TRAK2: variants seen among roughly 807,000 people sequenced by gnomAD.
The protein encoded by TRAK2 is trafficking kinesin protein 2.
In TRAK2, 81 loss-of-function variants were observed where a neutral mutation model predicts 104.6. The ratio of observed to expected loss-of-function variants is 0.77; its 90% CI spans 0.65 to 0.93. TRAK2 has a LOEUF of 0.93. Among genes scored for constraint, TRAK2 ranks in the 40% least tolerant of loss-of-function variants. The pLI is 0.00. For synonymous variants in TRAK2, 406 were observed against 394.4 expected (o/e 1.03, Z -0.35); for missense variants, 1,002 against 1,089.0 (o/e 0.92, Z 1.12).
At chr2:201,404,653 C>G (rs553963519) in intron 3 of TRAK2, among the ~76,000 whole-genome samples, 2 of 152,194 alleles carry the variant, frequency 1.3e-5, no homozygotes, top group Admixed American at 6.5e-5. Context: ...TGAGATGGTG[C>G]TTGATAGTTC....
intron 1 of TRAK2, among the ~76,000 whole-genome samples, chr2:201,425,714 C>CT (rs200294169): frequency 0.038 from 3,908 of 102,114 alleles, 77 homozygotes; most frequent in Non-Finnish European, 0.063. Context: ...GAAAGCATTG[C>CT]TTTTTTTTTT....
chr2:201,418,510 A>C (rs1031505219), intron 2 of TRAK2, among the ~76,000 whole-genome samples: 1 of 152,226 alleles, frequency 6.6e-6, no homozygotes, highest in African/African-American at 2.4e-5. Flanking sequence ...AATTTATATT[A>C]TCTGATTTCA....
intron 3 of TRAK2, among the ~76,000 whole-genome samples, chr2:201,406,780 C>T (rs185294578): frequency 5.9e-5 from 9 of 152,158 alleles, no homozygotes; most frequent in Admixed American, 5.9e-4. Context: ...GGATCAAATG[C>T]AAAAAGGTCT....
At chr2:201,449,802 G>A (rs1037162864) in intron 1 of TRAK2, among the ~76,000 whole-genome samples, 2 of 152,004 alleles carry the variant, frequency 1.3e-5, no homozygotes, top group East Asian at 1.9e-4. Context: ...GTGCCACCAC[G>A]CCCGGCTAAT....
intron 2 of TRAK2, among the ~76,000 whole-genome samples, chr2:201,418,597 G>C (rs1272531054): frequency 1.3e-5 from 2 of 152,098 alleles, no homozygotes; most frequent in African/African-American, 4.8e-5. Context: ...AAAGGAACAG[G>C]ATAGAGTTCA....
chr2:201,416,226 TA>T (rs11398184), intron 2 of TRAK2, among the ~76,000 whole-genome samples: 37 of 90,858 alleles, frequency 4.1e-4, no homozygotes, highest in Admixed American at 8.0e-4. Context: ...GACTCTACAT[TA>T]AAAAAAAAAA....
intron 1 of TRAK2, among the ~76,000 whole-genome samples, chr2:201,448,406 G>T (rs1045108438): frequency 6.6e-6 from 1 of 152,106 alleles, no homozygotes; most frequent in Non-Finnish European, 1.5e-5. Context: ...AGTTAATATA[G>T]GTAAAACATT....
Position 201,380,344 on chromosome 2 carries a change from T to G in TRAK2, c.*199A>C. 1 of 611,616 alleles carries G rather than the reference T, an allele frequency of 1.6e-6. No homozygotes were observed. The highest frequency in any genetic ancestry group is 2.8e-5 in the East Asian group (1 of 35,866). The allele number at this position is 611,616 out of a possible 1,614,324, so 37.9% of individuals were successfully genotyped here. A position where few individuals can be genotyped will look rare whatever the true frequency, so the allele number is the denominator to read the frequency against. ...TCTCCCTCTGAACACTCATGGCCCA[T>G]TCATTTATACTTTCAATTTGCCCGA... is the stretch of plus-strand genomic sequence containing the variant. On this transcript the variant is annotated 3_prime_UTR_variant, in exon 16 of 16. Coordinates refer to ENST00000332624, the MANE Select transcript of TRAK2 (RefSeq NM_015049.3).
chr2:201,448,534 G>C lies in TRAK2; in HGVS notation c.-200+2816C>G, dbSNP rs1428167677. On this transcript the variant is annotated intron_variant, in intron 1 of 15. Coordinates refer to ENST00000332624, the MANE Select transcript of TRAK2 (RefSeq NM_015049.3). ...CTTTTAATTACTAAGTCATTTAAAT[G>C]TGACTATTACCTTTTTGCCTCCTAT... Among the ~76,000 whole-genome samples the C allele has an allele frequency of 6.6e-5, 10 of 152,258 alleles. No individual in the cohort carries two copies. The East Asian group carries it at 1.9e-3, about 29-fold the overall frequency.
At chr2:201,424,297 T>C (rs759395852) in intron 1 of TRAK2, among the ~76,000 whole-genome samples, 1 of 152,188 alleles carries the variant, frequency 6.6e-6, no homozygotes, top group Non-Finnish European at 1.5e-5. Flanking sequence ...GCTATGTAAG[T>C]CTTTATGTCA....
chr2:201,397,536 T>C lies in TRAK2; in HGVS notation c.735A>G (p.Glu245=). The C allele has an allele frequency of 6.2e-7, 1 of 1,613,058 alleles. No individual in the cohort carries two copies. The highest frequency in any genetic ancestry group is 2.2e-5 in the East Asian group (1 of 44,844). ...TAACACAGTCGCTGACAAGCTGTTG[T>C]TCCTTTTCTTCATAGGTAACAGTTT... is the stretch of plus-strand genomic sequence containing the variant. ...KTETVTYEEK[E]QQLVSDCVKE... Residue 245 remains glutamate (E), a synonymous_variant, in exon 7 of 16, where the codon GAA becomes GAG. Coordinates refer to ENST00000332624, the MANE Select transcript of TRAK2 (RefSeq NM_015049.3).
chr2:201,446,865 A>T (rs1951968743), intron 1 of TRAK2, among the ~76,000 whole-genome samples: 1 of 152,250 alleles, frequency 6.6e-6, no homozygotes, highest in African/African-American at 2.4e-5. Flanking sequence ...AAGCTTTATG[A>T]TCTATACAAG....
chr2:201,389,292 A>T lies in TRAK2; in HGVS notation c.1397+8T>A. On this transcript the variant is annotated splice_region_variant and intron_variant, in intron 12 of 15. Coordinates refer to ENST00000332624, the MANE Select transcript of TRAK2 (RefSeq NM_015049.3). ...AATGCAGAATCACTGTTATCATCGGATTCCTACCCTGCAACCTCCTCTGAG... is the reference window on the plus strand; with the variant it reads ...AATGCAGAATCACTGTTATCATCGGTTTCCTACCCTGCAACCTCCTCTGAG... The T allele has an allele frequency of 6.2e-7, 1 of 1,613,670 alleles. No individual in the cohort carries two copies. The highest frequency in any genetic ancestry group is 8.5e-7 in the Non-Finnish European group (1 of 1,179,584).
intron 2 of TRAK2, chr2:201,410,476 C>T: frequency 1.4e-6 from 1 of 719,020 alleles, no homozygotes; most frequent in South Asian, 1.8e-5. Context: ...TCCTCCAAGC[C>T]AACTACATAA....
chr2:201,383,673 T>C (rs1034229954), intron 15 of TRAK2, among the ~76,000 whole-genome samples: 3 of 152,188 alleles, frequency 2.0e-5, no homozygotes, highest in Non-Finnish European at 4.4e-5. Flanking sequence ...TAGCCACAAG[T>C]ATAACAACTT....
chr2:201,450,017 C>T (rs1485031055), intron 1 of TRAK2, among the ~76,000 whole-genome samples: 1 of 152,040 alleles, frequency 6.6e-6, no homozygotes, highest in Non-Finnish European at 1.5e-5. Context: ...TCTAACAAAC[C>T]TCTTCCATCA....
intron 3 of TRAK2, among the ~76,000 whole-genome samples, chr2:201,404,232 T>C (rs1047682440): frequency 4.6e-5 from 7 of 152,332 alleles, no homozygotes; most frequent in Admixed American, 6.5e-5. Flanking sequence ...AAGCAGGTTG[T>C]CTTTGTTAAA....
intron 1 of TRAK2, among the ~76,000 whole-genome samples, chr2:201,424,766 C>T (rs1182232846): frequency 6.6e-6 from 1 of 150,476 alleles, no homozygotes; most frequent in Non-Finnish European, 1.5e-5. Context: ...CCTTGCCTGG[C>T]TAATTTTTTT....
At chr2:201,423,114 A>G (rs1015933559) in intron 1 of TRAK2, among the ~76,000 whole-genome samples, 1 of 148,284 alleles carries the variant, frequency 6.7e-6, no homozygotes, top group Non-Finnish European at 1.5e-5. Context: ...CTGCTCTGTC[A>G]CCCAGGCTGG....
Sources: allele counts gnomAD v4.1 joint callset (sites outside exome capture counted in the v4.1 genomes callset), GRCh38; gene constraint gnomAD v4.1.1; transcripts MANE v1.5; gene names NCBI Gene and HGNC (gene_info 2026-07-23, HGNC 2026-07-21).